The following CREBBP variants were observed in gnomAD, a reference collection of about 807,000 sequenced individuals.
CREBBP encodes the protein CREB binding lysine acetyltransferase, also known as CREB-binding protein.
In CREBBP, 19 loss-of-function variants were observed where a neutral mutation model predicts 265.0. That is an observed-to-expected ratio of 0.07 (90% CI 0.05 to 0.11). CREBBP has a LOEUF of 0.11. Ranked by LOEUF, CREBBP falls within the 10% of genes least tolerant of loss-of-function variation. The pLI is 1.00. For missense variants in CREBBP, 2,525 were observed against 3,219.0 expected, an observed-to-expected ratio of 0.78 and a Z score of 5.22; for synonymous variants, 1,457 against 1,223.7, an observed-to-expected ratio of 1.19 and a Z score of -3.98.
intron 1 of CREBBP, 149 bp from the exon 2 acceptor site, chr16:3,851,158 C>T (rs1251737758): frequency 2.8e-6 from 2 of 723,260 alleles, no homozygotes; most frequent in African/African-American, 3.5e-5. Flanking sequence ...TGTGGTAGCG[C>T]ATGCCTGTAA....
chr16:3,813,566 T>C (rs2053978374), intron 2 of CREBBP, among the ~76,000 whole-genome samples: 1 of 152,224 alleles, frequency 6.6e-6, no homozygotes, highest in South Asian at 2.1e-4. Context: ...AGCCTAGAAT[T>C]TGAATACAAC....
At position 3,804,788 on chromosome 16, in the gene CREBBP, CCTT is replaced by C. The variant is rs1395871206; in HGVS notation, c.975+5812_975+5814del. Among the ~76,000 whole-genome samples, 5 of 152,134 alleles carry C rather than the reference CCTT, an allele frequency of 3.3e-5. No homozygotes were observed. In the South Asian group the frequency reaches 1.0e-3, roughly 31 times the overall value. ...TAGACAAAAAACAAAACAAAAAAAA[CCTT>C]CTGGCTAGGCCTCCACTTTACATGA... On this transcript the variant is annotated intron_variant, in intron 3 of 30. Coordinates refer to ENST00000262367, the MANE Select transcript of CREBBP (RefSeq NM_004380.3).
At chr16:3,842,867 G>C (rs2054590610) in intron 2 of CREBBP, among the ~76,000 whole-genome samples, 1 of 150,702 alleles carries the variant, frequency 6.6e-6, no homozygotes, top group Admixed American at 6.7e-5. Context: ...TCAGGAGGCT[G>C]AGGCAGGAGA....
intron 2 of CREBBP, among the ~76,000 whole-genome samples, 194 bp from the exon 3 acceptor site, chr16:3,810,973 C>A (rs1305857687): frequency 1.3e-5 from 2 of 151,940 alleles, no homozygotes. Context: ...TCACCCTAAA[C>A]CCCATCCCGC....
intron 5 of CREBBP, among the ~76,000 whole-genome samples, chr16:3,783,155 T>G (rs536760577): frequency 5.3e-5 from 8 of 152,316 alleles, no homozygotes; most frequent in African/African-American, 1.9e-4. Flanking sequence ...CAAGTTTCTA[T>G]CTTAGCATGC....
chr16:3,849,631 A>G (rs1284261469), intron 2 of CREBBP, among the ~76,000 whole-genome samples: 2 of 148,148 alleles, frequency 1.3e-5, no homozygotes, highest in African/African-American at 2.5e-5. Flanking sequence ...TTGGCCTCCC[A>G]AAGTGCTGGG....
At chr16:3,794,915 A>C (rs2053578247) in intron 3 of CREBBP, among the ~76,000 whole-genome samples, 1 of 152,172 alleles carries the variant, frequency 6.6e-6, no homozygotes, top group Non-Finnish European at 1.5e-5. Flanking sequence ...ACCTCCCCTA[A>C]AGTACGCCAC....
chr16:3,871,226 C>CAA (rs1327470896), intron 1 of CREBBP, among the ~76,000 whole-genome samples: 10 of 150,900 alleles, frequency 6.6e-5, no homozygotes, highest in African/African-American at 2.4e-4. Context: ...CACACACACA[C>CAA]ACACACACCC....
In CREBBP at chr16:3,769,351, A is replaced by G. The variant is rs2141192914; in HGVS notation, c.2883T>C (p.Leu961=). The part of the protein sequence containing the change: ...PVHAQPPGTP[L]SQAAASIDNR... The stretch of plus-strand genomic sequence containing the variant: ...TATCAATGCTGGCTGCTGCCTGGGA[A>G]AGCTGTGAAAAAACCGAAAGCACTG... Residue 961 remains leucine, a splice_region_variant and synonymous_variant, in exon 15 of 31, where the codon CTT becomes CTC. Transcript: ENST00000262367. The G allele has an allele frequency of 1.2e-6, 2 of 1,614,208 alleles. No individual in the cohort carries two copies. The highest frequency in any genetic ancestry group is 1.7e-6 in the Non-Finnish European group (2 of 1,180,038).
chr16:3,866,836 T>C lies in CREBBP; in HGVS notation c.85+12996A>G, dbSNP rs137957606. 5.8e-3 allele frequency among the ~76,000 whole-genome samples: 888 copies of C among 152,312 alleles called. 7 individuals carry two copies. The highest frequency in any genetic ancestry group is 0.017 in the Middle Eastern group (5 of 294). Reference sequence around the variant, plus strand: ...ATTTTTGCTCTCCATCCTTTGTTTATTGATTCTCAGTCTTTTCTCCCCTCC... The same window carrying C: ...ATTTTTGCTCTCCATCCTTTGTTTACTGATTCTCAGTCTTTTCTCCCCTCC... On this transcript the variant is annotated intron_variant, in intron 1 of 30. Coordinates refer to ENST00000262367, the MANE Select transcript of CREBBP (RefSeq NM_004380.3).
intron 15 of CREBBP, 73 bp from the exon 16 acceptor site, chr16:3,767,982 C>CT: frequency 7.0e-7 from 1 of 1,428,898 alleles, no homozygotes. Flanking sequence ...CGGGAAGACT[C>CT]TTACAAGCCT....
At chr16:3,844,437 T>C (rs1190651446) in intron 2 of CREBBP, among the ~76,000 whole-genome samples, 1 of 152,182 alleles carries the variant, frequency 6.6e-6, no homozygotes, top group Non-Finnish European at 1.5e-5. Flanking sequence ...TAGGTAGGTA[T>C]CAAAAAGAAA....
chr16:3,876,979 C>T (rs1455067335), intron 1 of CREBBP, among the ~76,000 whole-genome samples: 2 of 152,210 alleles, frequency 1.3e-5, no homozygotes, highest in Non-Finnish European at 2.9e-5. Flanking sequence ...TCTCAGCTCA[C>T]TGCCACCCTT....
chr16:3,874,332 G>C (rs1204199165), intron 1 of CREBBP, among the ~76,000 whole-genome samples: 2 of 152,152 alleles, frequency 1.3e-5, no homozygotes, highest in African/African-American at 2.4e-5. Flanking sequence ...CAGAAAACTT[G>C]CCCTGCTGCT....
At chr16:3,837,281 G>A (rs1328901744) in intron 2 of CREBBP, among the ~76,000 whole-genome samples, 1 of 152,128 alleles carries the variant, frequency 6.6e-6, no homozygotes, top group Non-Finnish European at 1.5e-5. Flanking sequence ...GTGTGTATGT[G>A]TGTACATTTA....
At position 3,880,153 on chromosome 16, in the gene CREBBP, C is replaced by G. The variant is rs2055501022; in HGVS notation, c.-237G>C. On this transcript the variant is annotated 5_prime_UTR_variant, in exon 1 of 31. Transcript: ENST00000262367. ...CGCCCGCCCCCGGCCGCCGCCGCCG[C>G]CGCCGGCCGCGGCCCCCTCATCCCC... The G allele has an allele frequency of 6.8e-6, 1 of 147,294 alleles. No individual in the cohort carries two copies. The highest frequency in any genetic ancestry group is 2.5e-5 in the African/African-American group (1 of 40,122). 9.1% of individuals were successfully genotyped at this position (147,294 alleles called of 1,614,324 possible).
At chr16:3,805,029 G>A (rs1047219616) in intron 3 of CREBBP, among the ~76,000 whole-genome samples, 2 of 152,208 alleles carry the variant, frequency 1.3e-5, no homozygotes, top group African/African-American at 4.8e-5. Context: ...CTTCTCATTT[G>A]CAACACATCA....
chr16:3,744,861 A>G (rs375840740), intron 23 of CREBBP, 33 bp downstream of exon 23: 14 of 1,508,338 alleles, frequency 9.3e-6, no homozygotes, highest in Admixed American at 1.7e-5. Flanking sequence ...TAAAATGTGC[A>G]GTCCAGGAAA....
At chr16:3,826,026 G>T (rs181613692) in intron 2 of CREBBP, among the ~76,000 whole-genome samples, 89 of 152,342 alleles carry the variant, frequency 5.8e-4, no homozygotes, top group African/African-American at 2.1e-3. Flanking sequence ...GTTTGAGACT[G>T]GCCTAGGCCA....
Sources: allele counts gnomAD v4.1 joint callset (sites outside exome capture counted in the v4.1 genomes callset), GRCh38; gene constraint gnomAD v4.1.1; transcripts MANE v1.5; gene names NCBI Gene and HGNC (gene_info 2026-07-23, HGNC 2026-07-21).